Variants in CXorf38 observed in about 807,000 individuals in gnomAD.
CXorf38 encodes uncharacterized protein CXorf38.
In CXorf38, 13 loss-of-function variants were observed where a neutral mutation model predicts 27.5. The observed-to-expected ratio is 0.47, with a 90% CI of 0.31 to 0.75. The LOEUF (loss-of-function observed/expected upper bound fraction) is 0.75, where lower values mean the gene tolerates loss of function less well. CXorf38 is among the 30% of genes least tolerant of loss of function. The pLI is 0.05. For missense variants in CXorf38, 240 were observed against 253.2 expected, an observed-to-expected ratio of 0.95 and a Z score of 0.35; for synonymous variants, 100 against 99.8, an observed-to-expected ratio of 1.00 and a Z score of -0.01.
At chrX:40,646,719 T>G (rs988495977) in intron 2 of CXorf38, among the ~76,000 whole-genome samples, 1 of 111,480 alleles carries the variant, frequency 9.0e-6, no homozygotes, top group Non-Finnish European at 1.9e-5. Flanking sequence ...GTGCTCATGA[T>G]GCTCGCTCTG....
Position 40,647,369 on chromosome X carries a change from G to C in CXorf38, c.152C>G (p.Ala51Gly), listed in dbSNP as rs1392884467. The C allele has an allele frequency of 8.6e-7, 1 of 1,163,038 alleles. No homozygotes were observed. Among genetic ancestry groups the C allele is most frequent in the Non-Finnish European group, 1.1e-6 (1 of 876,461 alleles). The change falls in exon 1 of 7, where the codon GCC becomes GGC. Residue 51 changes from alanine to glycine, a missense_variant. Transcript: ENST00000327877. Reference protein sequence around the residue: ...LSFHRGLLAAAPGLGPRAVCR... With the variant: ...LSFHRGLLAAGPGLGPRAVCR... ...GACGGCGCGGGGCCCCAGGCCGGGG[G>C]CTGCGGCGAGTAGGCCGCGGTGGAA... is the stretch of plus-strand genomic sequence containing the variant.
chrX:40,640,194 G>A (rs1602425448), intron 2 of CXorf38: 4 of 319,970 alleles, frequency 1.3e-5, no homozygotes, highest in Non-Finnish European at 2.4e-5. Flanking sequence ...GCCATGCATT[G>A]TGGTGTGTGC....
At chrX:40,640,169 TA>T (rs755130567) in intron 2 of CXorf38, 3,711 of 224,343 alleles carry the variant, frequency 0.017, no homozygotes, top group Admixed American at 0.026. Flanking sequence ...CCATCTCTAT[TA>T]AAAAAAAAAA....
chrX:40,630,488 AT>A, intron 6 of CXorf38, 125 bp downstream of exon 6: 1 of 650,438 alleles, frequency 1.5e-6, no homozygotes, highest in Non-Finnish European at 2.3e-6. Context: ...CTTTGAAACA[AT>A]AAGGACAAAG....
At chrX:40,646,681 A>T (rs1453670190) in intron 2 of CXorf38, among the ~76,000 whole-genome samples, 1 of 111,338 alleles carries the variant, frequency 9.0e-6, no homozygotes. Context: ...CAAACAGGCC[A>T]CACAAGAGTC....
chrX:40,636,741 CTG>C, intron 4 of CXorf38, 29 bp from the exon 5 acceptor site: 4 of 1,137,417 alleles, frequency 3.5e-6, no homozygotes, highest in Non-Finnish European at 4.7e-6. Context: ...AATATATGAA[CTG>C]ATTTCATGAA....
intron 2 of CXorf38, chrX:40,639,365 C>A: frequency 3.4e-6 from 1 of 291,662 alleles, no homozygotes. Flanking sequence ...TATGATATAA[C>A]AGGCTTTCCA....
intron 2 of CXorf38, among the ~76,000 whole-genome samples, chrX:40,640,939 CAA>C (rs148737476): frequency 1.9e-5 from 1 of 51,351 alleles, no homozygotes; most frequent in African/African-American, 8.7e-5. Context: ...GACTCTGTCT[CAA>C]AAAAAAAAAA....
chrX:40,630,377 C>A, intron 6 of CXorf38: 1 of 302,910 alleles, frequency 3.3e-6, no homozygotes. Flanking sequence ...TAATTCTAGA[C>A]CAATGACTTC....
At chrX:40,637,942 A>G (rs1285885054) in intron 3 of CXorf38, among the ~76,000 whole-genome samples, 1 of 112,097 alleles carries the variant, frequency 8.9e-6, no homozygotes, top group Non-Finnish European at 1.9e-5. Context: ...AAATAAGCCT[A>G]CAACTATTCT....
At chrX:40,634,321 T>C (rs1447832508) in intron 5 of CXorf38, among the ~76,000 whole-genome samples, 1 of 112,085 alleles carries the variant, frequency 8.9e-6, no homozygotes, top group Non-Finnish European at 1.9e-5. Flanking sequence ...TCCTCTCACC[T>C]TGGCCTCTGA....
At chrX:40,644,467 CA>C (rs1387475054) in intron 2 of CXorf38, among the ~76,000 whole-genome samples, 4 of 112,023 alleles carry the variant, frequency 3.6e-5, no homozygotes, top group African/African-American at 9.7e-5. Flanking sequence ...GTTCCGCATT[CA>C]TAGAATCAAC....
intron 5 of CXorf38, among the ~76,000 whole-genome samples, chrX:40,633,476 T>C (rs759874084): frequency 9.0e-6 from 1 of 111,483 alleles, no homozygotes; most frequent in African/African-American, 3.3e-5. Context: ...ACTGGATTTC[T>C]CCTTCTACTG....
At chrX:40,640,292 C>T (rs1374482007) in intron 2 of CXorf38, 2 of 304,830 alleles carry the variant, frequency 6.6e-6, no homozygotes, top group Admixed American at 7.3e-5. Context: ...TTCACCACTG[C>T]ACTCCAGTCT....
rs1439386329 is a variant in CXorf38, at chrX:40,629,662, G to C, written c.*502C>G. On this transcript the variant is annotated 3_prime_UTR_variant, in exon 7 of 7. Transcript: ENST00000327877. Reference sequence around the variant, plus strand: ...GAATCTCGCTCTATTGCCCAGGCTGGAGTACAGTGGCATGGTCTCAGCTCA... The same window carrying C: ...GAATCTCGCTCTATTGCCCAGGCTGCAGTACAGTGGCATGGTCTCAGCTCA... 8.9e-6 allele frequency: 1 copy of C among 112,291 alleles called. No individual in the cohort carries two copies. Among genetic ancestry groups the C allele is most frequent in the Admixed American group, 9.4e-5 (1 of 10,613 alleles). 9.3% of individuals were successfully genotyped at this position (112,291 alleles called of 1,213,427 possible).
At chrX:40,631,274 C>T (rs1284604933) in intron 5 of CXorf38, among the ~76,000 whole-genome samples, 3 of 99,153 alleles carry the variant, frequency 3.0e-5, no homozygotes, top group Non-Finnish European at 5.9e-5. Context: ...CACACACACA[C>T]ACACACACAC....
At position 40,647,295 on chromosome X, in the gene CXorf38, A is replaced by T; in HGVS notation, c.216+10T>A. ...GGGGCGGTGGTCAAGGCCCCGAGCC[A>T]GGTGCTCACCTGGCGGGCGCGAGGG... On this transcript the variant is annotated intron_variant, in intron 1 of 6. Transcript: ENST00000327877. 1 of 1,093,046 alleles carries T rather than the reference A, an allele frequency of 9.1e-7. No homozygotes were observed. Among genetic ancestry groups the T allele is most frequent in the Non-Finnish European group, 1.2e-6 (1 of 844,041 alleles). 90.1% of individuals were successfully genotyped at this position (1,093,046 alleles called of 1,213,427 possible).
rs1019961400 is a variant in CXorf38 at position 40,640,137 on chromosome X, C to G, written c.352-1009G>C. ...AAGCAGGAGGATCGTTTGAGCCCAG[C>G]CTGGGCAACAAAGCAAGACTCCCAT... On this transcript the variant is annotated intron_variant, in intron 2 of 6. Transcript: ENST00000327877. 15 of 289,490 alleles carry G rather than the reference C, an allele frequency of 5.2e-5. 1 individual carries two copies. Among genetic ancestry groups the G allele is most frequent in the Admixed American group, 4.3e-4 (11 of 25,457 alleles). The allele number at this position is 289,490 out of a possible 1,213,427, so 23.9% of individuals were successfully genotyped here.
chrX:40,645,779 G>A (rs1465109532), intron 2 of CXorf38, among the ~76,000 whole-genome samples: 1 of 110,944 alleles, frequency 9.0e-6, no homozygotes, highest in African/African-American at 3.3e-5. Context: ...ACCACACCCA[G>A]CTAATTTTTG....
Sources: gnomAD v4.1 joint callset for allele counts (sites outside exome capture counted in the v4.1 genomes callset) on GRCh38, gnomAD v4.1.1 for gene constraint, MANE v1.5 for transcripts, NCBI Gene and HGNC (gene_info 2026-07-23, HGNC 2026-07-21) for gene names.